The following SLC24A2 variants were observed in gnomAD, a reference collection of about 807,000 sequenced individuals.
SLC24A2 encodes sodium/potassium/calcium exchanger 2.
A neutral mutation model predicts 62.0 loss-of-function variants in SLC24A2; 36 were observed. The observed-to-expected ratio is 0.58, with a 90% confidence interval of 0.44 to 0.77. The LOEUF (loss-of-function observed/expected upper bound fraction) is 0.77. Ranked by LOEUF, SLC24A2 falls within the 30% of genes least tolerant of loss-of-function variation. The pLI is 0.00. For missense variants in SLC24A2, 846 were observed against 817.9 expected, an observed-to-expected ratio of 1.03 and a Z score of -0.42; for synonymous variants, 358 against 294.0, an observed-to-expected ratio of 1.22 and a Z score of -2.23.
intron 2 of SLC24A2, among the ~76,000 whole-genome samples, chr9:19,706,460 A>AGCTCCGCCTCCCG (rs1370878040): frequency 6.6e-6 from 1 of 150,784 alleles, no homozygotes; most frequent in African/African-American, 2.4e-5. Flanking sequence ...ACTCACTGCA[A>AGCTCCGCCTCCCG]GCTCCGCCTC....
chr9:19,778,633 GT>G (rs1442957520), intron 2 of SLC24A2, among the ~76,000 whole-genome samples: 2 of 152,180 alleles, frequency 1.3e-5, no homozygotes, highest in African/African-American at 4.8e-5. Flanking sequence ...TACCTGGGTA[GT>G]AAAAAAGTCA....
At chr9:19,559,048 C>T (rs1467252516) in intron 7 of SLC24A2, among the ~76,000 whole-genome samples, 2 of 152,158 alleles carry the variant, frequency 1.3e-5, no homozygotes, top group South Asian at 2.1e-4. Context: ...TCTTTTACAA[C>T]ATGGTTGTTA....
At chr9:19,805,322 C>T in the SLC24A2 span, among the ~76,000 whole-genome samples, 101 of 152,276 alleles carry the variant, frequency 6.6e-4, no homozygotes, top group African/African-American at 2.4e-3. Context: ...ACAGACATTT[C>T]TTGTGCCATT....
the SLC24A2 span, among the ~76,000 whole-genome samples, chr9:20,215,972 T>G: frequency 6.6e-6 from 1 of 152,222 alleles, no homozygotes; most frequent in Non-Finnish European, 1.5e-5. Flanking sequence ...CAATAGCCTC[T>G]CAATGAATCC....
intron 2 of SLC24A2, among the ~76,000 whole-genome samples, chr9:19,669,233 T>C (rs1052504571): frequency 6.6e-6 from 1 of 152,226 alleles, no homozygotes; most frequent in Non-Finnish European, 1.5e-5. Flanking sequence ...TGGAGACTGT[T>C]CTCAACCAGG....
the SLC24A2 span, among the ~76,000 whole-genome samples, chr9:20,170,673 G>T: frequency 8.6e-5 from 13 of 151,896 alleles, no homozygotes. Flanking sequence ...TGAGAACAAA[G>T]GACAAGGAAG....
chr9:19,816,810 G>A, the SLC24A2 span, among the ~76,000 whole-genome samples: 1 of 151,704 alleles, frequency 6.6e-6, no homozygotes, highest in Non-Finnish European at 1.5e-5. Flanking sequence ...CAAGAGGATG[G>A]CACTAAACCA....
At chr9:20,099,552 T>C in the SLC24A2 span, among the ~76,000 whole-genome samples, 2 of 152,044 alleles carry the variant, frequency 1.3e-5, no homozygotes, top group Non-Finnish European at 2.9e-5. Context: ...AAAAAGTAGG[T>C]TCCAGGAGGA....
intron 2 of SLC24A2, among the ~76,000 whole-genome samples, chr9:19,760,665 C>T (rs759443870): frequency 4.0e-5 from 6 of 151,798 alleles, no homozygotes; most frequent in Non-Finnish European, 7.4e-5. Context: ...TGGTTTCCAG[C>T]GTCATCTATG....
At chr9:20,043,158 A>C in the SLC24A2 span, among the ~76,000 whole-genome samples, 1 of 152,244 alleles carries the variant, frequency 6.6e-6, no homozygotes, top group Non-Finnish European at 1.5e-5. Context: ...AGACACGCCA[A>C]AAGCTAGGGC....
At chr9:19,662,008 T>G (rs977590113) in intron 2 of SLC24A2, among the ~76,000 whole-genome samples, 1 of 152,228 alleles carries the variant, frequency 6.6e-6, no homozygotes, top group African/African-American at 2.4e-5. Flanking sequence ...GCCTTACTCA[T>G]TCTTTACAGT....
rs28497595 is a variant in SLC24A2, at chr9:19,621,644, T to G, written c.969+617A>C. 8.5e-4 allele frequency among the ~76,000 whole-genome samples: 130 copies of G among 152,274 alleles called. 2 individuals carry two copies. The highest frequency in any genetic ancestry group is 3.1e-3 in the African/African-American group (128 of 41,548). On this transcript the variant is annotated intron_variant, in intron 3 of 10. Transcript: ENST00000341998. ...CTTTACGATGGTGCAAAATCTGAAA[T>G]GTGATGTGTTAATTAAATAGGAACT...
chr9:19,761,395 T>G (rs549922979), intron 2 of SLC24A2, among the ~76,000 whole-genome samples: 1 of 152,344 alleles, frequency 6.6e-6, no homozygotes, highest in South Asian at 2.1e-4. Context: ...TTGATTTGCA[T>G]TTCTGTAATG....
In SLC24A2 at chr9:19,574,488, T is replaced by C. The variant is rs545692706; in HGVS notation, c.1229-1019A>G. 9.8e-5 allele frequency among the ~76,000 whole-genome samples: 15 copies of C among 152,290 alleles called. 1 individual carries two copies. The South Asian group carries it at 3.1e-3, about 32-fold the overall frequency. On this transcript the variant is annotated intron_variant, in intron 6 of 10. Coordinates refer to ENST00000341998, the MANE Select transcript of SLC24A2 (RefSeq NM_020344.4). ...TGACTCAACCTCTCTGAAATTCAGC[T>C]TCTTCATCTGTAAAACTGGGGTGAT...
the SLC24A2 span, among the ~76,000 whole-genome samples, chr9:20,186,073 A>T: frequency 6.6e-6 from 1 of 152,060 alleles, no homozygotes; most frequent in Admixed American, 6.6e-5. Context: ...TGCCATGATG[A>T]GGCTTCCTTA....
the SLC24A2 span, among the ~76,000 whole-genome samples, chr9:19,949,350 T>G: frequency 2.6e-5 from 4 of 152,114 alleles, no homozygotes; most frequent in Non-Finnish European, 5.9e-5. Context: ...ATGACAGTGG[T>G]GCAACGATTT....
At chr9:19,707,050 G>T (rs561541377) in intron 2 of SLC24A2, among the ~76,000 whole-genome samples, 1 of 150,228 alleles carries the variant, frequency 6.7e-6, no homozygotes. Flanking sequence ...TCAAATAGAC[G>T]CAATAAAAAA....
In SLC24A2 at chr9:19,632,133, G is replaced by T. The variant is rs747184550; in HGVS notation, c.931-9834C>A. Among the ~76,000 whole-genome samples the T allele has an allele frequency of 6.6e-6, 1 of 152,078 alleles. No homozygotes were observed. The highest frequency in any genetic ancestry group is 2.1e-4 in the South Asian group (1 of 4,822). On this transcript the variant is annotated intron_variant, in intron 2 of 10. Transcript: ENST00000341998. The surrounding 1 kb of genome is among the most constrained non-coding windows in gnomAD (Gnocchi z 4.5). ...CAGTTACCTTCTCAATTGTCCCTGGGGCTGATGCAGTTTAGGGTAGAGTGA... is the reference window on the plus strand; with the variant it reads ...CAGTTACCTTCTCAATTGTCCCTGGTGCTGATGCAGTTTAGGGTAGAGTGA...
At chr9:20,238,449 C>A in the SLC24A2 span, among the ~76,000 whole-genome samples, 3 of 152,124 alleles carry the variant, frequency 2.0e-5, no homozygotes, top group African/African-American at 7.2e-5. Flanking sequence ...CCATACCACC[C>A]CAGATCGAGG....
Sources: allele counts gnomAD v4.1 joint callset (sites outside exome capture counted in the v4.1 genomes callset), GRCh38; gene constraint gnomAD v4.1.1; non-coding constraint Gnocchi (gnomAD v3.1); transcripts MANE v1.5; gene names NCBI Gene and HGNC (gene_info 2026-07-23, HGNC 2026-07-21).